Variants in DYNC1I1 observed in about 807,000 individuals in gnomAD.
DYNC1I1 encodes cytoplasmic dynein 1 intermediate chain 1.
A neutral mutation model predicts 86.6 loss-of-function variants in DYNC1I1; 43 were observed. The ratio of observed to expected loss-of-function variants is 0.50; its 90% CI spans 0.39 to 0.64. The LOEUF (loss-of-function observed/expected upper bound fraction) is 0.64, where lower values mean the gene tolerates loss of function less well. Among genes scored for constraint, DYNC1I1 ranks in the 30% least tolerant of loss-of-function variants. The probability of loss-of-function intolerance (pLI) is 0.00; values close to 1 mark genes in which losing one functional copy is unlikely to be tolerated. For missense variants in DYNC1I1, 604 were observed against 788.8 expected (o/e 0.77, Z 2.81); for synonymous variants, 262 against 283.7 (o/e 0.92, Z 0.77).
At chr7:95,840,893 G>T (rs1246860204) in intron 5 of DYNC1I1, among the ~76,000 whole-genome samples, 1 of 152,148 alleles carries the variant, frequency 6.6e-6, no homozygotes, top group African/African-American at 2.4e-5. Context: ...GTGTTCTAAT[G>T]CATCAATTTA....
intron 4 of DYNC1I1, among the ~76,000 whole-genome samples, chr7:95,822,608 A>T (rs1226437834): frequency 6.6e-6 from 1 of 152,184 alleles, no homozygotes; most frequent in African/African-American, 2.4e-5. Context: ...CTGTTGGTCC[A>T]GAGTAGGTAC....
At chr7:95,837,242 G>T (rs1257217692) in intron 5 of DYNC1I1, among the ~76,000 whole-genome samples, 1 of 151,872 alleles carries the variant, frequency 6.6e-6, no homozygotes, top group Non-Finnish European at 1.5e-5. Context: ...AGGTGTCAGT[G>T]TGCCCCTGCT....
chr7:95,986,093 G>C (rs192882298), intron 8 of DYNC1I1, among the ~76,000 whole-genome samples: 3 of 148,476 alleles, frequency 2.0e-5, no homozygotes, highest in Non-Finnish European at 4.4e-5. Context: ...GCGGAGCTGA[G>C]GAAGGGTTAA....
intron 6 of DYNC1I1, among the ~76,000 whole-genome samples, chr7:95,949,655 A>T (rs1210322310): frequency 1.3e-5 from 2 of 152,242 alleles, no homozygotes; most frequent in East Asian, 1.9e-4. Context: ...AAATGCTGAG[A>T]TGAAAGTCAT....
chr7:95,863,404 G>T (rs544188013), intron 5 of DYNC1I1, among the ~76,000 whole-genome samples: 1 of 152,218 alleles, frequency 6.6e-6, no homozygotes, highest in South Asian at 2.1e-4. Flanking sequence ...TAACGAAAAG[G>T]TTGTGTAATT....
chr7:95,842,235 TG>T (rs1789304284), intron 5 of DYNC1I1, among the ~76,000 whole-genome samples: 1 of 152,118 alleles, frequency 6.6e-6, no homozygotes, highest in African/African-American at 2.4e-5. Context: ...TTATTAGCCG[TG>T]GACGGAGAGA....
At chr7:95,892,285 C>T (rs1249360427) in intron 6 of DYNC1I1, among the ~76,000 whole-genome samples, 1 of 151,632 alleles carries the variant, frequency 6.6e-6, no homozygotes, top group Non-Finnish European at 1.5e-5. Flanking sequence ...TAAAAGCACA[C>T]ACTGGCCCAC....
At chr7:95,876,092 A>AGATCCTCACCTGTTCTTTTCTCAG (rs1554403470) in intron 6 of DYNC1I1, among the ~76,000 whole-genome samples, 1 of 150,898 alleles carries the variant, frequency 6.6e-6, no homozygotes. Context: ...GGTGAATAAG[A>AGATCCTCACCTGTTCTTTTCTCAG]TCTATTGCAT....
At chr7:95,802,347 C>T (rs1794598703) in intron 1 of DYNC1I1, among the ~76,000 whole-genome samples, 1 of 152,148 alleles carries the variant, frequency 6.6e-6, no homozygotes, top group South Asian at 2.1e-4. Context: ...GCTGTGCTCT[C>T]GCTAATGCAC....
intron 6 of DYNC1I1, among the ~76,000 whole-genome samples, chr7:95,974,929 C>T (rs1333958767): frequency 6.6e-6 from 1 of 152,164 alleles, no homozygotes; most frequent in Non-Finnish European, 1.5e-5. Context: ...TCAGTCCTTT[C>T]TCCATGGCAT....
At chr7:95,965,209 A>G (rs1207776671) in intron 6 of DYNC1I1, among the ~76,000 whole-genome samples, 1 of 152,236 alleles carries the variant, frequency 6.6e-6, no homozygotes, top group African/African-American at 2.4e-5. Context: ...TACAGCTAGC[A>G]GCTTTGTTTT....
intron 6 of DYNC1I1, among the ~76,000 whole-genome samples, chr7:95,905,111 T>C (rs779095344): frequency 3.3e-5 from 5 of 152,342 alleles, no homozygotes; most frequent in Admixed American, 6.5e-5. Flanking sequence ...TAAAGTGTTG[T>C]TTTCACTTAC....
intron 6 of DYNC1I1, among the ~76,000 whole-genome samples, chr7:95,905,392 TCGAGTG>T (rs1347123619): frequency 6.6e-6 from 1 of 152,158 alleles, no homozygotes; most frequent in Non-Finnish European, 1.5e-5. Context: ...AATACAAAAC[TCGAGTG>T]CTGACAAGGT....
At chr7:96,089,981 C>T (rs1790793308) in intron 16 of DYNC1I1, among the ~76,000 whole-genome samples, 1 of 152,076 alleles carries the variant, frequency 6.6e-6, no homozygotes, top group Non-Finnish European at 1.5e-5. Flanking sequence ...CTTTTTCCTA[C>T]CATTTTCTTG....
intron 10 of DYNC1I1, among the ~76,000 whole-genome samples, chr7:96,022,315 A>C (rs929193393): frequency 6.6e-6 from 1 of 152,196 alleles, no homozygotes; most frequent in Non-Finnish European, 1.5e-5. Context: ...TGAAAATTCC[A>C]AGGAATTCTC....
chr7:96,035,041 T>C (rs1297865646), intron 12 of DYNC1I1, among the ~76,000 whole-genome samples: 1 of 152,174 alleles, frequency 6.6e-6, no homozygotes, highest in Non-Finnish European at 1.5e-5. Flanking sequence ...AAGACTCCCA[T>C]TTGCTATTTT....
chr7:95,786,515 T>C (rs958526502), intron 1 of DYNC1I1, among the ~76,000 whole-genome samples: 5 of 152,336 alleles, frequency 3.3e-5, no homozygotes, highest in Middle Eastern at 6.8e-3. Flanking sequence ...TGATCATTTG[T>C]GTAAGTCCCA....
At chr7:95,864,690 ATATTTTG>A (rs1562926927) in intron 5 of DYNC1I1, among the ~76,000 whole-genome samples, 1 of 151,988 alleles carries the variant, frequency 6.6e-6, no homozygotes, top group Non-Finnish European at 1.5e-5. Flanking sequence ...CAGTTTCTTA[ATATTTTG>A]TATACCGCAA....
At chr7:95,896,184 T>C (rs1790878396) in intron 6 of DYNC1I1, among the ~76,000 whole-genome samples, 1 of 152,010 alleles carries the variant, frequency 6.6e-6, no homozygotes, top group Non-Finnish European at 1.5e-5. Flanking sequence ...GACTAGAACA[T>C]CCCTGCAGCA....
Sources: gnomAD v4.1 joint callset for allele counts (sites outside exome capture counted in the v4.1 genomes callset) on GRCh38, gnomAD v4.1.1 for gene constraint, MANE v1.5 for transcripts, NCBI Gene and HGNC (gene_info 2026-07-23, HGNC 2026-07-21) for gene names.